GNB1L: variants seen among roughly 807,000 people sequenced by gnomAD.
GNB1L encodes guanine nucleotide-binding protein subunit beta-like protein 1.
Under a neutral mutation model 29.1 loss-of-function variants are expected in GNB1L, and 20 were observed. That is an observed-to-expected ratio of 0.69 (90% CI 0.48 to 1.00). The LOEUF (loss-of-function observed/expected upper bound fraction) is 1.00, where lower values mean the gene tolerates loss of function less well. GNB1L is among the 50% of genes least tolerant of loss of function. GNB1L has a pLI of 0.00. For missense variants in GNB1L, 421 were observed against 464.9 expected (o/e 0.91, Z 0.87); for synonymous variants, 193 against 206.5 (o/e 0.93, Z 0.56).
intron 5 of GNB1L, among the ~76,000 whole-genome samples, chr22:19,810,454 G>A (rs1341253498): frequency 6.6e-6 from 1 of 152,170 alleles, no homozygotes; most frequent in Non-Finnish European, 1.5e-5. Context: ...CTGCAGGAGG[G>A]AGCGGGGGTG....
chr22:19,789,719 G>T (rs1358025062), intron 7 of GNB1L, among the ~76,000 whole-genome samples: 2 of 152,024 alleles, frequency 1.3e-5, no homozygotes, highest in African/African-American at 4.8e-5. Flanking sequence ...GGTGGCATGT[G>T]CCTGTAATCC....
intron 2 of GNB1L, among the ~76,000 whole-genome samples, chr22:19,845,980 G>A (rs955770979): frequency 6.6e-5 from 10 of 152,206 alleles, no homozygotes; most frequent in African/African-American, 1.9e-4. Flanking sequence ...GAGAGCAGGC[G>A]GGTAGGCCAG....
chr22:19,786,225 C>T lies in GNB1L; in HGVS notation c.*2484G>A, dbSNP rs1230638832. ...CTGTGTTAGGCATGCAGGACTCACGCTGTCCCGACTCCATCCCTGCACACT... is the reference window on the plus strand; with the variant it reads ...CTGTGTTAGGCATGCAGGACTCACGTTGTCCCGACTCCATCCCTGCACACT... On this transcript the variant is annotated 3_prime_UTR_variant, in exon 8 of 8. Coordinates refer to ENST00000329517, the MANE Select transcript of GNB1L (RefSeq NM_053004.3). 1 of 152,328 alleles carries T rather than the reference C, an allele frequency of 6.6e-6. No homozygotes were observed. Among genetic ancestry groups the T allele is most frequent in the African/African-American group, 2.4e-5 (1 of 41,462 alleles). The allele number at this position is 152,328 out of a possible 1,614,324, so 9.4% of individuals were successfully genotyped here.
chr22:19,852,312 G>GGGTGTGGACA (rs1201175415), intron 2 of GNB1L: 5 of 1,553,528 alleles, frequency 3.2e-6, no homozygotes, highest in Non-Finnish European at 2.6e-6. Context: ...TGGGTGGTGG[G>GGGTGTGGACA]GGTGTGGACA....
At chr22:19,826,621 T>C (rs1289455312) in intron 2 of GNB1L, among the ~76,000 whole-genome samples, 1 of 151,980 alleles carries the variant, frequency 6.6e-6, no homozygotes, top group Non-Finnish European at 1.5e-5. Flanking sequence ...TGGTGAGAGG[T>C]GGTTGGGAAA....
At chr22:19,794,689 C>T (rs1937286929) in intron 7 of GNB1L, among the ~76,000 whole-genome samples, 1 of 152,154 alleles carries the variant, frequency 6.6e-6, no homozygotes, top group African/African-American at 2.4e-5. Context: ...CAGAGATTGT[C>T]AGAAAGCATC....
chr22:19,844,272 AG>A (rs1427994933), intron 2 of GNB1L, among the ~76,000 whole-genome samples: 1 of 152,218 alleles, frequency 6.6e-6, no homozygotes, highest in Non-Finnish European at 1.5e-5. Flanking sequence ...AAGTTCCTCT[AG>A]ACAGCCCACT....
intron 2 of GNB1L, among the ~76,000 whole-genome samples, chr22:19,843,657 A>T (rs1937901459): frequency 6.6e-6 from 1 of 152,154 alleles, no homozygotes; most frequent in Non-Finnish European, 1.5e-5. Context: ...CCTGAGGCCC[A>T]CAAAGCCCTG....
At chr22:19,847,274 C>G in intron 2 of GNB1L, 4 of 984,560 alleles carry the variant, frequency 4.1e-6, no homozygotes, top group Non-Finnish European at 4.8e-6. Context: ...GTAGCCGCTG[C>G]GCTGTTGGAG....
intron 2 of GNB1L, chr22:19,851,343 C>G: frequency 1.2e-6 from 2 of 1,614,176 alleles, no homozygotes; most frequent in African/African-American, 2.7e-5. Context: ...GGAGGATTAG[C>G]TGACTCCGAC....
intron 2 of GNB1L, among the ~76,000 whole-genome samples, chr22:19,834,779 A>G (rs1361042592): frequency 6.6e-6 from 1 of 152,132 alleles, no homozygotes. Context: ...GACAGGAAAG[A>G]GGGGATAGAA....
At chr22:19,833,546 C>A (rs1314089523) in intron 2 of GNB1L, among the ~76,000 whole-genome samples, 2 of 152,038 alleles carry the variant, frequency 1.3e-5, no homozygotes, top group Non-Finnish European at 2.9e-5. Context: ...GCCTAGGCAA[C>A]AGAGCAAGAC....
At chr22:19,849,065 G>A in intron 2 of GNB1L, 3 of 985,500 alleles carry the variant, frequency 3.0e-6, no homozygotes, top group Non-Finnish European at 3.6e-6. Context: ...GAGGGCAGCT[G>A]TGACCTGGCA....
At position 19,805,918 on chromosome 22, in the gene GNB1L, C is replaced by T. The variant is rs377278465; in HGVS notation, c.516+741G>A. Among the ~76,000 whole-genome samples the T allele has an allele frequency of 6.8e-4, 103 of 152,330 alleles. 3 individuals carry two copies. In the East Asian group the frequency reaches 0.011, roughly 16 times the overall value. On this transcript the variant is annotated intron_variant, in intron 6 of 7. Coordinates refer to ENST00000329517, the MANE Select transcript of GNB1L (RefSeq NM_053004.3). ...CTGAGGGGCTCTTTGCAAGTGAATG[C>T]ACGGGATCACTTGCTCTGCAGCCCT...
intron 2 of GNB1L, among the ~76,000 whole-genome samples, chr22:19,835,892 G>A (rs528016342): frequency 3.2e-4 from 48 of 152,226 alleles, no homozygotes; most frequent in African/African-American, 1.1e-3. Flanking sequence ...ATATCAAAAC[G>A]TGTAGGATGC....
intron 7 of GNB1L, among the ~76,000 whole-genome samples, chr22:19,795,726 C>A (rs1937299001): frequency 6.6e-6 from 1 of 152,224 alleles, no homozygotes; most frequent in African/African-American, 2.4e-5. Flanking sequence ...GCCAATGAGA[C>A]TGAGTCACAT....
chr22:19,802,639 G>A (rs1937388008), intron 6 of GNB1L, among the ~76,000 whole-genome samples: 1 of 152,234 alleles, frequency 6.6e-6, no homozygotes, highest in African/African-American at 2.4e-5. Flanking sequence ...CTGTCCTCCT[G>A]CCTCCTTTCC....
chr22:19,826,046 TA>T (rs1937617492), intron 2 of GNB1L, among the ~76,000 whole-genome samples: 1 of 152,198 alleles, frequency 6.6e-6, no homozygotes, highest in Admixed American at 6.5e-5. Flanking sequence ...AAACACTAAG[TA>T]AAAGTGCAGC....
At position 19,783,287 on chromosome 22, in the gene GNB1L, G is replaced by A. The variant is rs534642931; in HGVS notation, c.*5422C>T. ...GCACCAGGATGAGGCCAAATGACTC[G>A]ATTTCTCTACACCCCACATTTTACA... On this transcript the variant is annotated 3_prime_UTR_variant, in exon 8 of 8. Coordinates refer to ENST00000329517, the MANE Select transcript of GNB1L (RefSeq NM_053004.3). 8.1e-5 allele frequency: 38 copies of A among 466,720 alleles called. No individual in the cohort carries two copies. The highest frequency in any genetic ancestry group is 3.7e-4 in the African/African-American group (19 of 50,700). The allele number at this position is 466,720 out of a possible 1,614,324, so 28.9% of individuals were successfully genotyped here.
Sources: allele counts gnomAD v4.1 joint callset (sites outside exome capture counted in the v4.1 genomes callset), GRCh38; gene constraint gnomAD v4.1.1; transcripts MANE v1.5; gene names NCBI Gene and HGNC (gene_info 2026-07-23, HGNC 2026-07-21).